NDRG4: variants seen among roughly 807,000 people sequenced by gnomAD.
NDRG4 encodes the protein protein NDRG4.
In NDRG4, 38 loss-of-function variants were observed where a neutral mutation model predicts 55.8. The ratio of observed to expected loss-of-function variants is 0.68; its 90% CI spans 0.53 to 0.89. The LOEUF is 0.89. Ranked by LOEUF, NDRG4 falls within the 40% of genes least tolerant of loss-of-function variation. The pLI is 0.00. For synonymous variants in NDRG4, 190 were observed against 182.7 expected, an observed-to-expected ratio of 1.04 and a Z score of -0.32; for missense variants, 455 against 468.6, an observed-to-expected ratio of 0.97 and a Z score of 0.27.
intron 14 of NDRG4, 49 bp downstream of exon 14, chr16:58,510,732 C>A (rs1176448551): frequency 1.3e-6 from 2 of 1,502,642 alleles, no homozygotes; most frequent in Non-Finnish European, 1.8e-6. Context: ...GCCTCCTCCT[C>A]CCCCGCTCCT....
At chr16:58,509,519 G>C (rs1166562107) in intron 13 of NDRG4, 167 bp downstream of exon 13, 2 of 679,834 alleles carry the variant, frequency 2.9e-6, no homozygotes, top group East Asian at 5.4e-5. Flanking sequence ...GGGCCCCACA[G>C]ATGCCACCTG....
At chr16:58,510,614 G>A in intron 13 of NDRG4, 31 bp from the exon 14 acceptor site, 4 of 1,529,202 alleles carry the variant, frequency 2.6e-6, no homozygotes, top group East Asian at 2.4e-5. Flanking sequence ...CCCCATCCCC[G>A]CCCCCTCTCC....
chr16:58,507,940 A>C lies in NDRG4; in HGVS notation c.678-8A>C. ...CAGCCAGACAGCCCTTTTCCTCTGT[A>C]TCTGCAGCTGCCCCGTGATGCTGGT... On this transcript the variant is annotated splice_polypyrimidine_tract_variant and splice_region_variant and intron_variant, in intron 9 of 14. Coordinates refer to ENST00000570248, the MANE Select transcript of NDRG4 (RefSeq NM_001242835.2). The C allele has an allele frequency of 6.2e-7, 1 of 1,609,750 alleles. No individual in the cohort carries two copies. Among genetic ancestry groups the C allele is most frequent in the Non-Finnish European group, 8.5e-7 (1 of 1,176,858 alleles).
chr16:58,502,095 C>T (rs1339023746), intron 1 of NDRG4: 1 of 432,806 alleles, frequency 2.3e-6, no homozygotes, highest in Admixed American at 2.4e-5. Context: ...GCCCTGGCCC[C>T]TGAGACTGGC....
chr16:58,470,676 G>C (rs1006849312), intron 1 of NDRG4, among the ~76,000 whole-genome samples: 1 of 152,076 alleles, frequency 6.6e-6, no homozygotes, highest in Admixed American at 6.5e-5. Flanking sequence ...GGAGGCTGAT[G>C]CAGGTGGATC....
chr16:58,511,612 C>T lies in NDRG4; in HGVS notation c.*36C>T, dbSNP rs748165728. The T allele has an allele frequency of 3.1e-6, 5 of 1,612,164 alleles. No individual in the cohort carries two copies. The highest frequency in any genetic ancestry group is 2.2e-5 in the East Asian group (1 of 44,864). The stretch of plus-strand genomic sequence containing the variant: ...CCCGCTGACGACGCCCACGTCGAGG[C>T]CCCACCGCCATCCTTGCGCCGGCTC... On this transcript the variant is annotated 3_prime_UTR_variant, in exon 15 of 15. Coordinates refer to ENST00000570248, the MANE Select transcript of NDRG4 (RefSeq NM_001242835.2).
intron 2 of NDRG4, among the ~76,000 whole-genome samples, chr16:58,494,343 G>A (rs2036147620): frequency 6.6e-6 from 1 of 152,162 alleles, no homozygotes; most frequent in Admixed American, 6.5e-5. Flanking sequence ...CTCACTGTGT[G>A]GGCCTCAGCT....
At chr16:58,492,640 C>T (rs1276057344) in intron 2 of NDRG4, among the ~76,000 whole-genome samples, 1 of 151,988 alleles carries the variant, frequency 6.6e-6, no homozygotes, top group East Asian at 1.9e-4. Context: ...CTCCTGGGCT[C>T]AAGTGATCCT....
intron 1 of NDRG4, chr16:58,500,976 C>A (rs2037008189): frequency 1.6e-6 from 2 of 1,243,414 alleles, no homozygotes; most frequent in Admixed American, 4.2e-5. Flanking sequence ...GCCTGCCTGC[C>A]TTATTTTGTA....
chr16:58,473,467 G>C (rs916520299), intron 1 of NDRG4, among the ~76,000 whole-genome samples: 1 of 152,120 alleles, frequency 6.6e-6, no homozygotes, highest in African/African-American at 2.4e-5. Context: ...CTAACCTGAA[G>C]CACAAACTCT....
rs1346784233 is a variant in NDRG4, at chr16:58,505,431, AAAC to A, written c.372+785_372+787del. On this transcript the variant is annotated intron_variant, in intron 5 of 14. Transcript: ENST00000570248. ...CTCTAAAAACAAGCAAAAAAAAAAA[AAAC>A]AAAAACCCAAAAGACTAATTTTTCA... Among the ~76,000 whole-genome samples, 298 of 148,668 alleles carry A rather than the reference AAAC, an allele frequency of 2.0e-3. 1 individual carries two copies. The highest frequency in any genetic ancestry group is 6.6e-3 in the African/African-American group (269 of 40,982).
chr16:58,490,633 G>C (rs1008726085), intron 2 of NDRG4, among the ~76,000 whole-genome samples: 1 of 152,144 alleles, frequency 6.6e-6, no homozygotes, highest in African/African-American at 2.4e-5. Context: ...GTCAGCACAG[G>C]CCCCATGCTG....
At chr16:58,498,385 G>A (rs1567603682), upstream of NDRG4, among the ~76,000 whole-genome samples, 1 of 152,134 alleles carries the variant, frequency 6.6e-6, no homozygotes, top group African/African-American at 2.4e-5. Flanking sequence ...TGGAATAGGT[G>A]CCCCCAGGCA....
At position 58,512,657 on chromosome 16, in the gene NDRG4, G is replaced by T. The variant is rs2038927497; in HGVS notation, c.*1081G>T. 6.4e-6 allele frequency: 1 copy of T among 155,608 alleles called. No homozygotes were observed. Among genetic ancestry groups the T allele is most frequent in the African/African-American group, 2.4e-5 (1 of 41,426 alleles). 9.6% of individuals were successfully genotyped at this position (155,608 alleles called of 1,614,324 possible). On this transcript the variant is annotated 3_prime_UTR_variant, in exon 15 of 15. Coordinates refer to ENST00000570248, the MANE Select transcript of NDRG4 (RefSeq NM_001242835.2). ...GCCGCCTGGGCTGGGGCTTACTGGG[G>T]GCTGAAGGTTCTGGACATGAACAAG...
chr16:58,508,398 G>A (rs1208502200), intron 10 of NDRG4, among the ~76,000 whole-genome samples: 2 of 152,240 alleles, frequency 1.3e-5, no homozygotes, highest in African/African-American at 2.4e-5. Flanking sequence ...ACCTGCAGCG[G>A]TTATGTTTGG....
intron 1 of NDRG4, among the ~76,000 whole-genome samples, chr16:58,473,958 T>C (rs1436428782): frequency 6.6e-6 from 1 of 150,482 alleles, no homozygotes; most frequent in South Asian, 2.1e-4. Context: ...ACCACCCCTG[T>C]CCTCATCTCC....
chr16:58,471,889 G>A (rs1404457609), intron 1 of NDRG4, among the ~76,000 whole-genome samples: 1 of 151,854 alleles, frequency 6.6e-6, no homozygotes, highest in Non-Finnish European at 1.5e-5. Flanking sequence ...GAGTGTGTGA[G>A]TGTGTGTGTG....
At chr16:58,495,675 G>C (rs546240793), upstream of NDRG4, 2 of 152,760 alleles carry the variant, frequency 1.3e-5, no homozygotes, top group African/African-American at 4.8e-5. Context: ...ACACGGAGGC[G>C]GGGCTGCCCT....
chr16:58,464,049 C>G lies in NDRG4; in HGVS notation c.-24+252C>G. 5.1e-6 allele frequency: 1 copy of G among 195,158 alleles called. No individual in the cohort carries two copies. Among genetic ancestry groups the G allele is most frequent in the Non-Finnish European group, 1.0e-5 (1 of 96,542 alleles). The allele number at this position is 195,158 out of a possible 1,614,324, so 12.1% of individuals were successfully genotyped here. A position where few individuals can be genotyped will look rare whatever the true frequency, so the allele number is the denominator to read the frequency against. ...GGCCGCGCTGGGGACCCCCAGCCGC[C>G]GTCCGCGACCCCCCACCGCGACGCC... On this transcript the variant is annotated intron_variant, in intron 1 of 15. Transcript: ENST00000258187. The surrounding 1 kb of genome is among the most constrained non-coding windows in gnomAD (Gnocchi z 4.8).
Sources: gnomAD v4.1 joint callset for allele counts (sites outside exome capture counted in the v4.1 genomes callset) on GRCh38, gnomAD v4.1.1 for gene constraint, Gnocchi (gnomAD v3.1) non-coding constraint, MANE v1.5 for transcripts, NCBI Gene and HGNC (gene_info 2026-07-23, HGNC 2026-07-21) for gene names.